ABHD2: variants seen among roughly 807,000 people sequenced by gnomAD.
The protein encoded by ABHD2 is abhydrolase domain containing 2, acylglycerol lipase, also known as monoacylglycerol lipase ABHD2.
In ABHD2, 20 loss-of-function variants were observed where a neutral mutation model predicts 48.1. The observed-to-expected ratio is 0.42, with a 90% CI of 0.29 to 0.60. The LOEUF (loss-of-function observed/expected upper bound fraction) is 0.60, where lower values mean the gene tolerates loss of function less well. ABHD2 is among the 20% of genes least tolerant of loss of function. The probability of loss-of-function intolerance (pLI) is 0.24; values close to 1 mark genes in which losing one functional copy is unlikely to be tolerated. For synonymous variants in ABHD2, 209 were observed against 214.2 expected (o/e 0.98, Z 0.21); for missense variants, 405 against 550.9 (o/e 0.74, Z 2.65).
the ABHD2 span, among the ~76,000 whole-genome samples, chr15:89,071,783 G>C: frequency 6.6e-5 from 10 of 152,190 alleles, no homozygotes; most frequent in African/African-American, 2.4e-4. Context: ...GTATGCTTAA[G>C]TTATTGCTAT....
intron 5 of ABHD2, among the ~76,000 whole-genome samples, chr15:89,157,875 T>C (rs2050700141): frequency 6.6e-6 from 1 of 151,636 alleles, no homozygotes; most frequent in Admixed American, 6.6e-5. Context: ...AATAGGTGAA[T>C]GTCCAGATTT....
rs771799804 is a variant in ABHD2 at position 89,146,168 on chromosome 15, G to A, written c.195-5509G>A. The stretch of plus-strand genomic sequence containing the variant: ...GAGAATCAAAGGAAATAACAGTGAA[G>A]TCTGAGTTTAATCACTAGCTATAAA... On this transcript the variant is annotated intron_variant, in intron 3 of 10. Coordinates refer to ENST00000352732, the MANE Select transcript of ABHD2 (RefSeq NM_152924.5). The surrounding 1 kb of genome is among the most constrained non-coding windows in gnomAD (Gnocchi z 4.2). 1.3e-5 allele frequency among the ~76,000 whole-genome samples: 2 copies of A among 152,158 alleles called. No individual in the cohort carries two copies. The highest frequency in any genetic ancestry group is 2.4e-5 in the African/African-American group (1 of 41,426).
At chr15:89,191,393 C>G (rs1050787316) in intron 9 of ABHD2, among the ~76,000 whole-genome samples, 17 of 152,160 alleles carry the variant, frequency 1.1e-4, no homozygotes, top group Non-Finnish European at 2.2e-4. Context: ...TAAAAGTGCT[C>G]CAACACCCAC....
chr15:89,105,733 G>C (rs966607746), intron 1 of ABHD2, among the ~76,000 whole-genome samples: 1 of 152,224 alleles, frequency 6.6e-6, no homozygotes, highest in African/African-American at 2.4e-5. Context: ...GGCAGTCCCT[G>C]GCTTGAGTTA....
At chr15:89,181,097 G>A (rs147679974) in intron 6 of ABHD2, among the ~76,000 whole-genome samples, 4,521 of 151,578 alleles carry the variant, frequency 0.03, 225 homozygotes, top group African/African-American at 0.1. Context: ...GTGGTGGCGC[G>A]CACCTGTAAT....
chr15:89,189,983 C>A lies in ABHD2; in HGVS notation c.927-1097C>A, dbSNP rs115224836. Among the ~76,000 whole-genome samples, 1,085 of 152,258 alleles carry A rather than the reference C, an allele frequency of 7.1e-3. 14 individuals carry two copies. The highest frequency in any genetic ancestry group is 0.025 in the African/African-American group (1,037 of 41,538). On this transcript the variant is annotated intron_variant, in intron 8 of 10. Coordinates refer to ENST00000352732, the MANE Select transcript of ABHD2 (RefSeq NM_152924.5). This position sits in a 1 kb window ranked among gnomAD's most constrained non-coding sequence, Gnocchi z 4.9. ...GAGGGATGGAACAATGCATTTCCTG[C>A]CTGCTGAGACTGCAAACGAACTGAT... is the stretch of plus-strand genomic sequence containing the variant.
chr15:89,194,362 G>T (rs1217191782), intron 10 of ABHD2, among the ~76,000 whole-genome samples: 1 of 151,904 alleles, frequency 6.6e-6, no homozygotes, highest in Non-Finnish European at 1.5e-5. Flanking sequence ...AGCCAGGCGT[G>T]GTGGTACATG....
At chr15:89,096,594 G>C (rs889925687) in intron 1 of ABHD2, among the ~76,000 whole-genome samples, 1 of 152,176 alleles carries the variant, frequency 6.6e-6, no homozygotes, top group Non-Finnish European at 1.5e-5. Flanking sequence ...TCCTTTCCAT[G>C]TGCTGACCAT....
chr15:89,135,398 T>A (rs1396358677), intron 3 of ABHD2: 2 of 579,862 alleles, frequency 3.4e-6, no homozygotes, highest in African/African-American at 3.8e-5. Context: ...GGTAGTGTGT[T>A]AACTATACAA....
In ABHD2 at chr15:89,151,871, T is replaced by C; in HGVS notation, c.370+19T>C. The C allele has an allele frequency of 6.2e-7, 1 of 1,611,038 alleles. No homozygotes were observed. The highest frequency in any genetic ancestry group is 8.5e-7 in the Non-Finnish European group (1 of 1,178,208). Reference sequence around the variant, plus strand: ...GTTGGAGGTGAGCTGCTTTAGATTGTGTGATTGAGCCATCACTCAGAGAAG... The same window carrying C: ...GTTGGAGGTGAGCTGCTTTAGATTGCGTGATTGAGCCATCACTCAGAGAAG... On this transcript the variant is annotated intron_variant, in intron 4 of 10. Transcript: ENST00000352732. The surrounding 1 kb of genome is among the most constrained non-coding windows in gnomAD (Gnocchi z 4.7).
Position 89,185,521 on chromosome 15 carries a change from G to A in ABHD2, c.815+5G>A. On this transcript the variant is annotated splice_donor_5th_base_variant and intron_variant, in intron 7 of 10. Transcript: ENST00000352732. This position sits in a 1 kb window ranked among gnomAD's most constrained non-coding sequence, Gnocchi z 5.9. ...GAAGATCATCCTCTCGCACAGGTAG[G>A]TCACCTTCCGTTCTCTCTCAGGAGA... 2.5e-6 allele frequency: 4 copies of A among 1,612,892 alleles called. No homozygotes were observed. Among genetic ancestry groups the A allele is most frequent in the Middle Eastern group, 1.7e-4 (1 of 6,060 alleles).
At chr15:89,055,573 G>T in the ABHD2 span, among the ~76,000 whole-genome samples, 5 of 152,136 alleles carry the variant, frequency 3.3e-5, no homozygotes, top group Non-Finnish European at 5.9e-5. Flanking sequence ...GACCACAAGC[G>T]ATCCGCTGGC....
Position 89,114,237 on chromosome 15 carries a change from T to G in ABHD2, c.-7+413T>G, listed in dbSNP as rs553288849. Among the ~76,000 whole-genome samples, 1 of 152,276 alleles carries G rather than the reference T, an allele frequency of 6.6e-6. No homozygotes were observed. Among genetic ancestry groups the G allele is most frequent in the South Asian group, 2.1e-4 (1 of 4,830 alleles). On this transcript the variant is annotated intron_variant, in intron 2 of 10. Coordinates refer to ENST00000352732, the MANE Select transcript of ABHD2 (RefSeq NM_152924.5). This position sits in a 1 kb window ranked among gnomAD's most constrained non-coding sequence, Gnocchi z 4.2. The stretch of plus-strand genomic sequence containing the variant: ...GGCATCTTAGTGCAGTGCTATGTAC[T>G]TTTTTAGGCCACAGACCCTTTTTAG...
chr15:89,130,995 A>G (rs2050210410), intron 3 of ABHD2, among the ~76,000 whole-genome samples: 1 of 151,770 alleles, frequency 6.6e-6, no homozygotes, highest in Non-Finnish European at 1.5e-5. Flanking sequence ...TCTGTCCTTC[A>G]CTCCATCTCT....
chr15:89,178,470 A>T (rs989558478), intron 6 of ABHD2, among the ~76,000 whole-genome samples: 4 of 152,192 alleles, frequency 2.6e-5, no homozygotes, highest in Non-Finnish European at 5.9e-5. Context: ...ACGAGAGTTC[A>T]TGCGTCTGGT....
chr15:89,186,467 G>T lies in ABHD2; in HGVS notation c.815+951G>T, dbSNP rs115834648. Among the ~76,000 whole-genome samples, 1,080 of 152,208 alleles carry T rather than the reference G, an allele frequency of 7.1e-3. 15 individuals carry two copies. Among genetic ancestry groups the T allele is most frequent in the African/African-American group, 0.025 (1,033 of 41,514 alleles). ...TGGACTAGGCTACTTAGAGGTTCCT[G>T]TGTCCCCTGGCCTCTGCCACACTAC... On this transcript the variant is annotated intron_variant, in intron 7 of 10. Coordinates refer to ENST00000352732, the MANE Select transcript of ABHD2 (RefSeq NM_152924.5). This position sits in a 1 kb window ranked among gnomAD's most constrained non-coding sequence, Gnocchi z 4.3.
At position 89,200,364 on chromosome 15, in the gene ABHD2, C is replaced by T. The variant is rs1190768509; in HGVS notation, c.*4941C>T. ...CTTCCTAGACAGTGCGGCAGCCAGG[C>T]ACAGGCACACCTCACTTCCCAGACA... On this transcript the variant is annotated 3_prime_UTR_variant, in exon 11 of 11. Coordinates refer to ENST00000352732, the MANE Select transcript of ABHD2 (RefSeq NM_152924.5). The T allele has an allele frequency of 6.6e-6, 1 of 151,850 alleles. No homozygotes were observed. The highest frequency in any genetic ancestry group is 2.4e-5 in the African/African-American group (1 of 41,240). 9.4% of individuals were successfully genotyped at this position (151,850 alleles called of 1,614,324 possible).
At position 89,151,597 on chromosome 15, in the gene ABHD2, G is replaced by A; in HGVS notation, c.195-80G>A. ...AATTTCCCTGGAACAAAAATAGGTT[G>A]AAAGAGTTTTGCTAAAAGATTTTTC... is the stretch of plus-strand genomic sequence containing the variant. On this transcript the variant is annotated intron_variant, in intron 3 of 10. Coordinates refer to ENST00000352732, the MANE Select transcript of ABHD2 (RefSeq NM_152924.5). This position sits in a 1 kb window ranked among gnomAD's most constrained non-coding sequence, Gnocchi z 4.7. 6.7e-7 allele frequency: 1 copy of A among 1,485,980 alleles called. No homozygotes were observed. The highest frequency in any genetic ancestry group is 1.3e-5 in the South Asian group (1 of 76,572). The allele number at this position is 1,485,980 out of a possible 1,614,324, so 92.0% of individuals were successfully genotyped here. A position where few individuals can be genotyped will look rare whatever the true frequency, so the allele number is the denominator to read the frequency against.
chr15:89,180,759 G>A (rs564606402), intron 6 of ABHD2, among the ~76,000 whole-genome samples: 1 of 152,278 alleles, frequency 6.6e-6, no homozygotes, highest in South Asian at 2.1e-4. Flanking sequence ...GCTGGTCCTG[G>A]TTTTGCCCCC....
Sources: gnomAD v4.1 joint callset for allele counts (sites outside exome capture counted in the v4.1 genomes callset) on GRCh38, gnomAD v4.1.1 for gene constraint, Gnocchi (gnomAD v3.1) non-coding constraint, MANE v1.5 for transcripts, NCBI Gene and HGNC (gene_info 2026-07-23, HGNC 2026-07-21) for gene names.